Variants in PDSS2 observed in about 807,000 individuals in gnomAD.
PDSS2 encodes all trans-polyprenyl-diphosphate synthase PDSS2.
In PDSS2, 31 loss-of-function variants were observed where a neutral mutation model predicts 44.5. The observed-to-expected ratio is 0.70, with a 90% CI of 0.52 to 0.94. PDSS2 has a LOEUF of 0.94. Among genes scored for constraint, PDSS2 ranks in the 40% least tolerant of loss-of-function variants. PDSS2 has a pLI of 0.00. For synonymous variants in PDSS2, 157 were observed against 180.3 expected, an observed-to-expected ratio of 0.87 and a Z score of 1.03; for missense variants, 452 against 482.2, an observed-to-expected ratio of 0.94 and a Z score of 0.59.
rs866222188 is a variant in PDSS2 at position 107,202,640 on chromosome 6, G to A, written c.1008+7799C>T. Among the ~76,000 whole-genome samples the A allele has an allele frequency of 3.9e-5, 6 of 152,138 alleles. No individual in the cohort carries two copies. The South Asian group carries it at 6.2e-4, about 16-fold the overall frequency. ...TCTTGGTCATTCTCTATGAATAAGA[G>A]AGCGCAGAAGGCATGTGCAAGGAAG... On this transcript the variant is annotated intron_variant, in intron 6 of 7. Coordinates refer to ENST00000369037, the MANE Select transcript of PDSS2 (RefSeq NM_020381.4).
At chr6:107,232,304 A>G (rs1428961270) in intron 4 of PDSS2, among the ~76,000 whole-genome samples, 1 of 152,036 alleles carries the variant, frequency 6.6e-6, no homozygotes, top group Non-Finnish European at 1.5e-5. Context: ...GGCTCAAGTG[A>G]TTCTCCTACC....
intron 1 of PDSS2, among the ~76,000 whole-genome samples, chr6:107,404,789 A>G (rs113511431): frequency 0.038 from 5,729 of 152,312 alleles, 354 homozygotes; most frequent in African/African-American, 0.13. Context: ...GGGTAGGGAC[A>G]CAGCCAAACC....
chr6:107,158,274 C>T (rs1292307690), intron 7 of PDSS2, among the ~76,000 whole-genome samples: 2 of 151,548 alleles, frequency 1.3e-5, no homozygotes, highest in African/African-American at 4.8e-5. Context: ...CAACCTCCAC[C>T]TCTCGGGTTC....
intron 4 of PDSS2, among the ~76,000 whole-genome samples, chr6:107,217,497 C>T (rs1773451900): frequency 1.3e-5 from 2 of 151,946 alleles, no homozygotes; most frequent in African/African-American, 2.4e-5. Flanking sequence ...TCCAATAGAA[C>T]TCCAGGAAGA....
intron 7 of PDSS2, among the ~76,000 whole-genome samples, chr6:107,175,361 C>T (rs1236444666): frequency 6.6e-6 from 1 of 152,088 alleles, no homozygotes; most frequent in Non-Finnish European, 1.5e-5. Context: ...AGCAAGTTGT[C>T]CAAAGTAACA....
intron 3 of PDSS2, among the ~76,000 whole-genome samples, chr6:107,271,034 G>T (rs892492002): frequency 6.6e-6 from 1 of 152,080 alleles, no homozygotes; most frequent in Non-Finnish European, 1.5e-5. Context: ...CAATCACTTA[G>T]CATAGTCATT....
chr6:107,157,286 G>A (rs1440483530), intron 7 of PDSS2, among the ~76,000 whole-genome samples: 3 of 146,574 alleles, frequency 2.0e-5, no homozygotes, highest in African/African-American at 7.3e-5. Flanking sequence ...CCCGGCTCAA[G>A]TGATCTTTCC....
chr6:107,160,501 C>G (rs1554246523), intron 7 of PDSS2, among the ~76,000 whole-genome samples: 2 of 148,814 alleles, frequency 1.3e-5, no homozygotes, highest in Non-Finnish European at 3.0e-5. Flanking sequence ...GGACCTGCCA[C>G]CACACCCAGC....
At chr6:107,165,772 C>T (rs1275492918) in intron 7 of PDSS2, among the ~76,000 whole-genome samples, 2 of 151,984 alleles carry the variant, frequency 1.3e-5, no homozygotes, top group Admixed American at 1.3e-4. Flanking sequence ...GCCATTTTCA[C>T]GATATTGATT....
intron 3 of PDSS2, among the ~76,000 whole-genome samples, chr6:107,272,701 T>G (rs1245429182): frequency 6.6e-6 from 1 of 152,104 alleles, no homozygotes; most frequent in African/African-American, 2.4e-5. Flanking sequence ...ACTAAAAATG[T>G]GGCCAGGCGT....
intron 2 of PDSS2, among the ~76,000 whole-genome samples, chr6:107,318,412 G>A (rs757939050): frequency 3.5e-4 from 53 of 151,924 alleles, no homozygotes; most frequent in Non-Finnish European, 5.9e-4. Context: ...ACTCAAAAAA[G>A]AAGCAACTAT....
rs544972522 is a variant in PDSS2 at position 107,397,736 on chromosome 6, C to T, written c.296+61254G>A. ...TAAGAAAAATAACAGTATTTGTTGC[C>T]AAAAATAAAATTTGAGCTTTCAGGC... On this transcript the variant is annotated intron_variant, in intron 1 of 7. Coordinates refer to ENST00000369037, the MANE Select transcript of PDSS2 (RefSeq NM_020381.4). Among the ~76,000 whole-genome samples, 10 of 152,156 alleles carry T rather than the reference C, an allele frequency of 6.6e-5. No homozygotes were observed. The South Asian group carries it at 2.1e-3, about 32-fold the overall frequency.
At chr6:107,333,390 A>G (rs1318057866) in intron 2 of PDSS2, among the ~76,000 whole-genome samples, 1 of 152,232 alleles carries the variant, frequency 6.6e-6, no homozygotes, top group East Asian at 1.9e-4. Flanking sequence ...ATATGCAGCA[A>G]AAAATGAGTA....
At chr6:107,319,520 G>A (rs1481807293) in intron 2 of PDSS2, among the ~76,000 whole-genome samples, 3 of 152,078 alleles carry the variant, frequency 2.0e-5, no homozygotes, top group African/African-American at 7.2e-5. Context: ...CTGACGTTAG[G>A]GGCCTTATGA....
intron 4 of PDSS2, among the ~76,000 whole-genome samples, chr6:107,226,268 C>T (rs756132639): frequency 1.3e-5 from 2 of 152,094 alleles, no homozygotes; most frequent in Non-Finnish European, 2.9e-5. Flanking sequence ...GCCGAGATTG[C>T]GCCACTGCAC....
chr6:107,237,666 C>T (rs562592998), intron 4 of PDSS2, among the ~76,000 whole-genome samples: 24 of 149,676 alleles, frequency 1.6e-4, no homozygotes, highest in South Asian at 4.2e-4. Context: ...TTTGGGAGGT[C>T]GAGGCGGGCA....
At chr6:107,391,258 G>A (rs2114526789) in intron 1 of PDSS2, among the ~76,000 whole-genome samples, 1 of 152,166 alleles carries the variant, frequency 6.6e-6, no homozygotes, top group East Asian at 1.9e-4. Context: ...CAGCTCATGA[G>A]AGATAAGAAA....
At chr6:107,162,567 A>T (rs1414306044) in intron 7 of PDSS2, among the ~76,000 whole-genome samples, 2 of 146,792 alleles carry the variant, frequency 1.4e-5, no homozygotes, top group African/African-American at 5.0e-5. Context: ...TCCAATTTTT[A>T]AAAATTTACA....
chr6:107,311,979 GTACT>G (rs1347050042), intron 2 of PDSS2, among the ~76,000 whole-genome samples: 2 of 152,186 alleles, frequency 1.3e-5, no homozygotes, highest in African/African-American at 4.8e-5. Context: ...CCAGAAAAGA[GTACT>G]TAGGTTGGCC....
Sources: allele counts gnomAD v4.1 joint callset (sites outside exome capture counted in the v4.1 genomes callset), GRCh38; gene constraint gnomAD v4.1.1; transcripts MANE v1.5; gene names NCBI Gene and HGNC (gene_info 2026-07-23, HGNC 2026-07-21).